NXPH1: variants seen among roughly 807,000 people sequenced by gnomAD.
NXPH1 encodes the protein neurexophilin 1.
In NXPH1, 5 loss-of-function variants were observed where a neutral mutation model predicts 23.7. The ratio of observed to expected loss-of-function variants is 0.21; its 90% CI spans 0.11 to 0.44. The LOEUF is 0.44. NXPH1 is among the 20% of genes least tolerant of loss of function. The probability of loss-of-function intolerance (pLI) is 0.99; values close to 1 mark genes in which losing one functional copy is unlikely to be tolerated. For missense variants in NXPH1, 324 were observed against 321.6 expected, an observed-to-expected ratio of 1.01 and a Z score of -0.06; for synonymous variants, 144 against 122.2, an observed-to-expected ratio of 1.18 and a Z score of -1.18.
At chr7:8,562,851 A>G (rs1221038149) in intron 2 of NXPH1, among the ~76,000 whole-genome samples, 1 of 151,682 alleles carries the variant, frequency 6.6e-6, no homozygotes, top group East Asian at 2.0e-4. Context: ...GTTATCTCTG[A>G]GTGGTGAGAA....
intron 2 of NXPH1, among the ~76,000 whole-genome samples, chr7:8,642,502 G>T (rs901403545): frequency 1.3e-5 from 2 of 152,082 alleles, no homozygotes; most frequent in Admixed American, 6.6e-5. Flanking sequence ...TGCTTAAGCA[G>T]TTCCCTCTGA....
chr7:8,738,545 T>G (rs1163512370), intron 2 of NXPH1, among the ~76,000 whole-genome samples: 1 of 152,150 alleles, frequency 6.6e-6, no homozygotes, highest in Non-Finnish European at 1.5e-5. Flanking sequence ...CTCTCCTATA[T>G]GAGGTGTCTG....
intron 2 of NXPH1, among the ~76,000 whole-genome samples, chr7:8,654,290 T>G (rs1820538197): frequency 6.6e-6 from 1 of 152,190 alleles, no homozygotes; most frequent in Non-Finnish European, 1.5e-5. Context: ...GTATTTATGT[T>G]TTTAGTTGAC....
intron 2 of NXPH1, among the ~76,000 whole-genome samples, chr7:8,472,668 A>G (rs1401775377): frequency 1.3e-5 from 2 of 152,178 alleles, no homozygotes; most frequent in Non-Finnish European, 2.9e-5. Flanking sequence ...GGCAGAGAGG[A>G]GATGGAATAA....
chr7:8,612,142 C>A (rs1034337898), intron 2 of NXPH1, among the ~76,000 whole-genome samples: 15 of 150,812 alleles, frequency 9.9e-5, no homozygotes, highest in Admixed American at 9.3e-4. Flanking sequence ...TTTTTCCCTT[C>A]CCCTTCTTTC....
At chr7:8,448,527 G>A (rs1300166644) in intron 2 of NXPH1, among the ~76,000 whole-genome samples, 2 of 152,142 alleles carry the variant, frequency 1.3e-5, no homozygotes, top group Non-Finnish European at 2.9e-5. Flanking sequence ...AGAAGAAAAT[G>A]GACATTTGGC....
At chr7:8,665,439 CAGAT>C (rs1396096964) in intron 2 of NXPH1, among the ~76,000 whole-genome samples, 1 of 151,960 alleles carries the variant, frequency 6.6e-6, no homozygotes, top group East Asian at 1.9e-4. Context: ...ATTTTAAAGA[CAGAT>C]AGTGTGATGC....
intron 2 of NXPH1, among the ~76,000 whole-genome samples, chr7:8,604,210 A>C (rs1219163255): frequency 1.3e-5 from 2 of 152,192 alleles, no homozygotes; most frequent in Non-Finnish European, 1.5e-5. Context: ...GATTGGGATT[A>C]AGTTGTTATA....
Position 8,595,514 on chromosome 7 carries a change from G to A in NXPH1, c.55-155494G>A, listed in dbSNP as rs28496771. ...AATTTCATAATTTAGTTTACATAGC[G>A]AAAATCCTTAAACATTGTAAGTATG... On this transcript the variant is annotated intron_variant, in intron 2 of 2. Transcript: ENST00000405863. Among the ~76,000 whole-genome samples, 1,151 of 152,040 alleles carry A rather than the reference G, an allele frequency of 7.6e-3. 13 individuals carry two copies. Among genetic ancestry groups the A allele is most frequent in the African/African-American group, 0.026 (1,089 of 41,496 alleles).
chr7:8,668,246 A>C (rs2115167551), intron 2 of NXPH1, among the ~76,000 whole-genome samples: 1 of 108,974 alleles, frequency 9.2e-6, no homozygotes, highest in East Asian at 3.0e-4. Flanking sequence ...TGATGGTGTT[A>C]TGTCTCTTTG....
chr7:8,749,949 C>T (rs145343786), intron 2 of NXPH1, among the ~76,000 whole-genome samples: 8 of 152,174 alleles, frequency 5.3e-5, no homozygotes, highest in South Asian at 2.1e-4. Flanking sequence ...CTGTGCAGTT[C>T]GAAATACAAT....
chr7:8,665,641 C>T (rs1820748311), intron 2 of NXPH1, among the ~76,000 whole-genome samples: 1 of 151,912 alleles, frequency 6.6e-6, no homozygotes, highest in South Asian at 2.1e-4. Flanking sequence ...TATTTCTTCA[C>T]ATTCATGAAC....
chr7:8,668,364 C>T (rs1386385049), intron 2 of NXPH1, among the ~76,000 whole-genome samples: 1 of 150,670 alleles, frequency 6.6e-6, no homozygotes, highest in Non-Finnish European at 1.5e-5. Context: ...TCTGGGAATA[C>T]CCTTCAGCAA....
At chr7:8,697,711 C>T (rs10232933) in intron 2 of NXPH1, among the ~76,000 whole-genome samples, 3 of 152,178 alleles carry the variant, frequency 2.0e-5, no homozygotes, top group African/African-American at 7.2e-5. Context: ...AATGCTTACT[C>T]AATATTTAGG....
At chr7:8,671,043 G>C (rs1466850383) in intron 2 of NXPH1, among the ~76,000 whole-genome samples, 1 of 152,198 alleles carries the variant, frequency 6.6e-6, no homozygotes. Flanking sequence ...TCTGTGGACA[G>C]TTAAGACAGG....
rs540056222 is a variant in NXPH1 at position 8,678,928 on chromosome 7, A to ATTTTTTTTTTTTTTTTTTTTTTTTT, written c.55-72069_55-72045dup. Among the ~76,000 whole-genome samples, 162 of 68,774 alleles carry ATTTTTTTTTTTTTTTTTTTTTTTTT rather than the reference A, an allele frequency of 2.4e-3. 25 individuals carry two copies. The highest frequency in any genetic ancestry group is 3.2e-3 in the African/African-American group (43 of 13,538). The allele number at this position is 68,774 out of a possible 152,430, so 45.1% of individuals were successfully genotyped here. A position where few individuals can be genotyped will look rare whatever the true frequency, so the allele number is the denominator to read the frequency against. ...TCTAGATTTATCTTTGCTTTATCCA[A>ATTTTTTTTTTTTTTTTTTTTTTTTT]TTTTTTTTTTTTTTTTTTTTTTTTT... On this transcript the variant is annotated intron_variant, in intron 2 of 2. Transcript: ENST00000405863.
intron 2 of NXPH1, among the ~76,000 whole-genome samples, chr7:8,741,794 C>G (rs760851437): frequency 6.6e-6 from 1 of 152,014 alleles, no homozygotes; most frequent in Non-Finnish European, 1.5e-5. Context: ...GATTGTGAAT[C>G]AAATAACATT....
At chr7:8,550,944 A>G (rs1584226912) in intron 2 of NXPH1, among the ~76,000 whole-genome samples, 1 of 151,628 alleles carries the variant, frequency 6.6e-6, no homozygotes, top group East Asian at 2.0e-4. Context: ...ACATATTTTT[A>G]TACTTGAGTC....
chr7:8,583,065 C>T (rs534642337), intron 2 of NXPH1, among the ~76,000 whole-genome samples: 7 of 152,116 alleles, frequency 4.6e-5, no homozygotes, highest in Admixed American at 2.6e-4. Flanking sequence ...TACACTTGGC[C>T]GGGTTGTGAC....
Sources: gnomAD v4.1 joint callset for allele counts (sites outside exome capture counted in the v4.1 genomes callset) on GRCh38, gnomAD v4.1.1 for gene constraint, MANE v1.5 for transcripts, NCBI Gene and HGNC (gene_info 2026-07-23, HGNC 2026-07-21) for gene names.